PGM5: variants seen among roughly 807,000 people sequenced by gnomAD.
The protein encoded by PGM5 is phosphoglucomutase-like protein 5.
A neutral mutation model predicts 59.2 loss-of-function variants in PGM5; 23 were observed. The observed-to-expected ratio is 0.39, with a 90% CI of 0.28 to 0.55. The LOEUF is 0.55. PGM5 is among the 20% of genes least tolerant of loss of function. The probability of loss-of-function intolerance (pLI) is 0.66; values close to 1 mark genes in which losing one functional copy is unlikely to be tolerated. For synonymous variants in PGM5, 214 were observed against 286.0 expected (o/e 0.75, Z 2.54); for missense variants, 574 against 748.3 (o/e 0.77, Z 2.72).
At chr9:68,407,549 T>C (rs1283336030) in intron 6 of PGM5, among the ~76,000 whole-genome samples, 5 of 152,096 alleles carry the variant, frequency 3.3e-5, no homozygotes, top group Admixed American at 3.3e-4. Context: ...AAGTCCCATC[T>C]CTTTAGAAAA....
intron 6 of PGM5, among the ~76,000 whole-genome samples, chr9:68,439,801 C>G (rs1290495695): frequency 1.3e-5 from 2 of 150,982 alleles, no homozygotes; most frequent in Non-Finnish European, 2.9e-5. Flanking sequence ...GTCAGAGAAC[C>G]AAAAAGAGTC....
At chr9:68,489,095 C>T (rs75050389) in intron 9 of PGM5, among the ~76,000 whole-genome samples, 1 of 152,100 alleles carries the variant, frequency 6.6e-6, no homozygotes, top group East Asian at 1.9e-4. Flanking sequence ...ACCATCGATA[C>T]CCTAAAGAAT....
At chr9:68,406,684 A>ATATATATATATATATATATATGTG (rs1822821469) in intron 6 of PGM5, among the ~76,000 whole-genome samples, 4 of 43,792 alleles carry the variant, frequency 9.1e-5, no homozygotes, top group African/African-American at 3.9e-4. Flanking sequence ...ATATGTATAT[A>ATATATATATATATATATATATGTG]TATATATATA....
intron 9 of PGM5, among the ~76,000 whole-genome samples, chr9:68,492,204 A>T (rs781951277): frequency 9.2e-5 from 14 of 152,202 alleles, no homozygotes; most frequent in Non-Finnish European, 1.8e-4. Context: ...AGTGTGCCTG[A>T]ATCCAAAATA....
At chr9:68,362,081 G>T (rs1488149724) in intron 1 of PGM5, among the ~76,000 whole-genome samples, 1 of 147,768 alleles carries the variant, frequency 6.8e-6, no homozygotes, top group Admixed American at 6.8e-5. Context: ...TTCATTAGGG[G>T]TTTCAAAATG....
chr9:68,387,635 C>G (rs781962263), intron 4 of PGM5, 47 bp downstream of exon 4: 2 of 1,588,562 alleles, frequency 1.3e-6, no homozygotes, highest in Non-Finnish European at 1.7e-6. Flanking sequence ...AATATTGAGA[C>G]CTGTACACCT....
intron 6 of PGM5, chr9:68,464,744 A>G (rs1478561714): frequency 5.0e-6 from 1 of 201,846 alleles, no homozygotes; most frequent in Non-Finnish European, 1.0e-5. Flanking sequence ...CAATATTCCC[A>G]AGTGTTTATG....
chr9:68,399,058 T>G (rs1587792903), intron 6 of PGM5: 1 of 152,340 alleles, frequency 6.6e-6, no homozygotes, highest in Non-Finnish European at 1.5e-5. Context: ...TAGTACTATA[T>G]AAGAGATTGT....
chr9:68,471,439 C>A (rs1372608494), intron 7 of PGM5, among the ~76,000 whole-genome samples: 2 of 152,020 alleles, frequency 1.3e-5, no homozygotes, highest in African/African-American at 4.8e-5. Flanking sequence ...GTAGAAGTGA[C>A]AGGTCTTCAA....
At chr9:68,495,119 C>G (rs1485941587) in intron 9 of PGM5, among the ~76,000 whole-genome samples, 1 of 152,174 alleles carries the variant, frequency 6.6e-6, no homozygotes, top group Non-Finnish European at 1.5e-5. Context: ...ATGAAGAACC[C>G]AAAGTCATAA....
chr9:68,445,193 T>G (rs1233854732), intron 6 of PGM5, among the ~76,000 whole-genome samples: 1 of 152,000 alleles, frequency 6.6e-6, no homozygotes, highest in Non-Finnish European at 1.5e-5. Context: ...AAGAATCTTA[T>G]CAGGATTAGA....
At chr9:68,362,586 A>C (rs1434492560) in intron 1 of PGM5, among the ~76,000 whole-genome samples, 2 of 152,198 alleles carry the variant, frequency 1.3e-5, no homozygotes. Flanking sequence ...GTAACTAATT[A>C]GTTTTTTATT....
At chr9:68,452,932 G>A (rs1341766389) in intron 6 of PGM5, among the ~76,000 whole-genome samples, 3 of 152,212 alleles carry the variant, frequency 2.0e-5, no homozygotes, top group Non-Finnish European at 4.4e-5. Flanking sequence ...ATTTAACATA[G>A]TCCTTCTTCT....
chr9:68,410,388 C>T (rs1284852641), intron 6 of PGM5, among the ~76,000 whole-genome samples: 15 of 152,236 alleles, frequency 9.9e-5, no homozygotes, highest in African/African-American at 3.4e-4. Context: ...GCTGTCTGTA[C>T]TGTGGGTTTA....
chr9:68,495,853 T>C (rs1824473913), intron 9 of PGM5, among the ~76,000 whole-genome samples: 1 of 152,192 alleles, frequency 6.6e-6, no homozygotes, highest in Admixed American at 6.5e-5. Context: ...AAGGCAAGTA[T>C]TCTATGTTGT....
At chr9:68,380,704 TA>T (rs1202980674) in intron 2 of PGM5, among the ~76,000 whole-genome samples, 7 of 151,650 alleles carry the variant, frequency 4.6e-5, no homozygotes, top group African/African-American at 1.7e-4. Flanking sequence ...CTAGATTCAC[TA>T]AAAAAAGCAG....
intron 10 of PGM5, among the ~76,000 whole-genome samples, chr9:68,509,349 G>A (rs946800099): frequency 5.3e-5 from 8 of 152,268 alleles, no homozygotes; most frequent in Admixed American, 2.6e-4. Context: ...TCGTGTTTGT[G>A]TTTTTGGTTT....
chr9:68,375,009 T>C (rs1478646737), intron 1 of PGM5, among the ~76,000 whole-genome samples: 2 of 150,916 alleles, frequency 1.3e-5, no homozygotes, highest in African/African-American at 4.9e-5. Context: ...TCATATGAAG[T>C]CTTGGTGGGG....
chr9:68,512,632 T>A (rs1824767356), intron 10 of PGM5, among the ~76,000 whole-genome samples: 1 of 152,212 alleles, frequency 6.6e-6, no homozygotes, highest in South Asian at 2.1e-4. Flanking sequence ...CCCCTTTTAA[T>A]AAGGACACCA....
Sources: allele counts gnomAD v4.1 joint callset (sites outside exome capture counted in the v4.1 genomes callset), GRCh38; gene constraint gnomAD v4.1.1; transcripts MANE v1.5; gene names NCBI Gene and HGNC (gene_info 2026-07-23, HGNC 2026-07-21).